The following MACROH2A1 variants were observed in gnomAD, a reference collection of about 807,000 sequenced individuals.
MACROH2A1 encodes macroH2A.1 histone.
A neutral mutation model predicts 31.6 loss-of-function variants in MACROH2A1; 2 were observed. The observed-to-expected ratio is 0.06, with a 90% confidence interval of 0.03 to 0.20. The LOEUF (loss-of-function observed/expected upper bound fraction) is 0.20. Among genes scored for constraint, MACROH2A1 ranks in the 10% least tolerant of loss-of-function variants. The pLI, the probability that MACROH2A1 is intolerant of heterozygous loss-of-function variation, is 1.00. For synonymous variants in MACROH2A1, 169 were observed against 189.6 expected, an observed-to-expected ratio of 0.89 and a Z score of 0.89; for missense variants, 230 against 474.0, an observed-to-expected ratio of 0.49 and a Z score of 4.78.
chr5:135,395,677 T>C (rs1407031635), intron 1 of MACROH2A1, among the ~76,000 whole-genome samples: 1 of 152,212 alleles, frequency 6.6e-6, no homozygotes, highest in Non-Finnish European at 1.5e-5. Context: ...CAGAGGCATG[T>C]GGATATACTA....
intron 6 of MACROH2A1, among the ~76,000 whole-genome samples, chr5:135,349,277 T>A (rs1467264502): frequency 6.6e-6 from 1 of 152,218 alleles, no homozygotes; most frequent in Non-Finnish European, 1.5e-5. Flanking sequence ...CCTTAGCTGT[T>A]CATTTATTTT....
chr5:135,390,422 T>A (rs916003333), intron 1 of MACROH2A1, among the ~76,000 whole-genome samples: 2 of 152,222 alleles, frequency 1.3e-5, no homozygotes, highest in South Asian at 4.1e-4. Context: ...TCAGGTATTA[T>A]GCTGGGCAGA....
intron 1 of MACROH2A1, among the ~76,000 whole-genome samples, chr5:135,396,238 G>T (rs957762397): frequency 1.3e-5 from 2 of 152,336 alleles, no homozygotes; most frequent in African/African-American, 4.8e-5. Context: ...GCTATTTAGA[G>T]AAAAGTTAAA....
At chr5:135,337,424 A>G (rs1451775155) in intron 8 of MACROH2A1, among the ~76,000 whole-genome samples, 2 of 152,164 alleles carry the variant, frequency 1.3e-5, no homozygotes, top group Non-Finnish European at 2.9e-5. Context: ...AACACACCAA[A>G]AGTGTGCCAG....
At chr5:135,351,067 G>A in intron 6 of MACROH2A1, 1 of 554,428 alleles carries the variant, frequency 1.8e-6, no homozygotes, top group Non-Finnish European at 3.3e-6. Flanking sequence ...GCGCACATGT[G>A]GATGGGGGTG....
At position 135,369,447 on chromosome 5, in the gene MACROH2A1, A is replaced by T; in HGVS notation, c.436T>A (p.Ser146Thr). The change falls in exon 4 of 9, where the codon TCT becomes ACT. Residue 146 changes from serine (S) to threonine (T), a missense_variant. Around this residue, in one of 2 missense-constraint regions of MACROH2A1, gnomAD observed 183 missense variants for 319.3 expected, o/e 0.57. Transcript: ENST00000511689. The surrounding 1 kb of genome is among the most constrained non-coding windows in gnomAD (Gnocchi z 4.3). ...CCTTTCTTGCCTCCTGCTTTTTTAG[A>T]TACAGGCTTCTTCTGGGATGGAGAC... ...AKSPSQKKPV[S>T]KKAGGKKGAR... 1 of 1,614,098 alleles carries T rather than the reference A, an allele frequency of 6.2e-7. No homozygotes were observed. Among genetic ancestry groups the T allele is most frequent in the Non-Finnish European group, 8.5e-7 (1 of 1,180,016 alleles).
intron 2 of MACROH2A1, among the ~76,000 whole-genome samples, chr5:135,377,513 C>T (rs532876714): frequency 3.3e-5 from 5 of 152,288 alleles, no homozygotes; most frequent in East Asian, 1.9e-4. Context: ...AGCGAAAGAG[C>T]GAGGAGCAGA....
chr5:135,337,996 C>A (rs1561565370), intron 8 of MACROH2A1: 1 of 1,199,338 alleles, frequency 8.3e-7, no homozygotes, highest in Non-Finnish European at 1.1e-6. Context: ...CGCAGGCTGC[C>A]AGGAAGGAAT....
chr5:135,371,135 A>AGT (rs1764126754), intron 2 of MACROH2A1, among the ~76,000 whole-genome samples: 2 of 152,248 alleles, frequency 1.3e-5, no homozygotes, highest in Admixed American at 6.5e-5. Context: ...ACATTATGCT[A>AGT]AGTGAAATAA....
chr5:135,356,924 T>C (rs1202370908), intron 5 of MACROH2A1: 1 of 152,216 alleles, frequency 6.6e-6, no homozygotes, highest in Non-Finnish European at 1.5e-5. Context: ...CATTTTCTCA[T>C]AACAGATAAG....
At chr5:135,343,511 T>A (rs1339186268) in intron 7 of MACROH2A1, 77 bp from the exon 8 acceptor site, 2 of 1,579,822 alleles carry the variant, frequency 1.3e-6, no homozygotes, top group Non-Finnish European at 1.7e-6. Flanking sequence ...ACAGACCCAC[T>A]CCCCTGCCAC....
intron 8 of MACROH2A1, among the ~76,000 whole-genome samples, chr5:135,342,482 C>T (rs1760056904): frequency 2.6e-5 from 4 of 152,214 alleles, no homozygotes; most frequent in Non-Finnish European, 4.4e-5. Flanking sequence ...GGGTGTACAA[C>T]CAGGTAGGTA....
intron 2 of MACROH2A1, among the ~76,000 whole-genome samples, chr5:135,381,710 AATACAGCAGATTAG>A (rs1255013925): frequency 1.3e-5 from 2 of 152,388 alleles, no homozygotes; most frequent in Admixed American, 1.3e-4. Context: ...GAATCTGTTT[AATACAGCAGATTAG>A]ATACAGCTGG....
chr5:135,343,569 C>T (rs1204456520), intron 7 of MACROH2A1, 135 bp from the exon 8 acceptor site: 2 of 1,341,832 alleles, frequency 1.5e-6, no homozygotes, highest in East Asian at 4.8e-5. Flanking sequence ...AGGAGTTCCA[C>T]AGCTGTCTGC....
intron 4 of MACROH2A1, among the ~76,000 whole-genome samples, chr5:135,365,394 G>A (rs1763375298): frequency 1.3e-5 from 2 of 152,086 alleles, no homozygotes; most frequent in African/African-American, 2.4e-5. Flanking sequence ...CTCTGCTGGG[G>A]CTCTGCTCCA....
intron 2 of MACROH2A1, among the ~76,000 whole-genome samples, chr5:135,379,308 C>CT (rs1214955405): frequency 1.3e-5 from 2 of 152,204 alleles, no homozygotes; most frequent in African/African-American, 4.8e-5. Flanking sequence ...AGGGAACCCA[C>CT]ATGTTCTAGC....
intron 6 of MACROH2A1, chr5:135,351,543 ATTTTTTTTTTTTTTTTTTTTTTTTT>A (rs57605717): frequency 4.1e-5 from 2 of 48,498 alleles, no homozygotes; most frequent in East Asian, 5.8e-4. Flanking sequence ...TTATGGTTTA[ATTTTTTTTTTTTTTTTTTTTTTTTT>A]TTTTTTTTTT....
At chr5:135,361,263 G>A (rs1581223418) in intron 4 of MACROH2A1, 2 of 155,188 alleles carry the variant, frequency 1.3e-5, no homozygotes, top group South Asian at 2.0e-4. Context: ...TACATGACAT[G>A]GAGAGTTTAA....
At chr5:135,337,955 C>G (rs1759075938) in intron 8 of MACROH2A1, 2 of 1,202,014 alleles carry the variant, frequency 1.7e-6, no homozygotes, top group Non-Finnish European at 2.1e-6. Flanking sequence ...AGGAAGAAAC[C>G]CTGCTATGGG....
Sources: allele counts gnomAD v4.1 joint callset (sites outside exome capture counted in the v4.1 genomes callset), GRCh38; gene constraint gnomAD v4.1.1; regional missense constraint gnomAD v4.1.1; non-coding constraint Gnocchi (gnomAD v3.1); transcripts MANE v1.5; gene names NCBI Gene and HGNC (gene_info 2026-07-23, HGNC 2026-07-21).